Variants in XPC observed in about 807,000 individuals in gnomAD.
XPC encodes the protein XPC complex subunit, DNA damage recognition and repair factor, also known as DNA repair protein complementing XP-C cells.
XPC carries 76 observed loss-of-function variants against 95.8 expected under a neutral mutation model. The ratio of observed to expected loss-of-function variants is 0.79; its 90% CI spans 0.66 to 0.96. The LOEUF (loss-of-function observed/expected upper bound fraction) is 0.96. XPC is among the 40% of genes least tolerant of loss of function. XPC has a pLI of 0.00. For missense variants in XPC, 1,146 were observed against 1,179.8 expected (o/e 0.97, Z 0.42); for synonymous variants, 442 against 442.1 (o/e 1.00, Z 0.00).
chr3:14,148,000 T>C lies in XPC; in HGVS notation c.2422A>G (p.Thr808Ala). The C allele has an allele frequency of 6.3e-7, 1 of 1,579,516 alleles. No homozygotes were observed. Residue 808 changes from threonine to alanine, a missense_variant and splice_region_variant, in exon 14 of 16, where the codon ACT becomes GCT. Physicochemically the swap from Thr to Ala is moderately conservative, Grantham distance 58. Transcript: ENST00000285021. ...DFHGGYSHPV[T>A]DGYIVCEEFK... ...TCCTCGCAGACGATGTATCCATCAG[T>C]CCTGTGGGGACACAACGCGATGTCA...
chr3:14,146,169 T>A lies in XPC; in HGVS notation c.2605-10A>T. ...GAGCTGCTGCCTCACTCTGGACAGGTGGCAGTGGTGGGAGGACACAGGCGA... is the reference window on the plus strand; with the variant it reads ...GAGCTGCTGCCTCACTCTGGACAGGAGGCAGTGGTGGGAGGACACAGGCGA... On this transcript the variant is annotated splice_polypyrimidine_tract_variant and intron_variant, in intron 15 of 15. Transcript: ENST00000285021. The A allele has an allele frequency of 6.3e-7, 1 of 1,599,096 alleles. No homozygotes were observed. Among genetic ancestry groups the A allele is most frequent in the Non-Finnish European group, 8.5e-7 (1 of 1,174,218 alleles).
chr3:14,167,311 T>C, intron 4 of XPC, 58 bp from the exon 5 acceptor site: 2 of 1,437,368 alleles, frequency 1.4e-6, no homozygotes, highest in Non-Finnish European at 1.9e-6. Context: ...CAGACTCCAC[T>C]CCCCCAGGCA....
Position 14,158,357 on chromosome 3 carries a change from C to T in XPC, c.1526G>A (p.Arg509Lys), listed in dbSNP as rs1444714119. ...AASSSSSSSK[R>K]GKKMCSDGEK... ...ACCATCGCTGCACATTTTCTTGCCT[C>T]TTTTACTGCTTGAAGAGCTTGAGGA... is the stretch of plus-strand genomic sequence containing the variant. Residue 509 changes from arginine (R) to lysine (K), a missense_variant, in exon 9 of 16, where the codon AGA becomes AAA. Arg to Lys is a conservative substitution (Grantham distance 26). Coordinates refer to ENST00000285021, the MANE Select transcript of XPC (RefSeq NM_004628.5). This position sits in a 1 kb window ranked among gnomAD's most constrained non-coding sequence, Gnocchi z 5.2. The T allele has an allele frequency of 6.2e-7, 1 of 1,613,960 alleles. No individual in the cohort carries two copies. The highest frequency in any genetic ancestry group is 1.7e-5 in the Admixed American group (1 of 60,020).
chr3:14,169,972 T>A (rs1304409242), intron 3 of XPC, among the ~76,000 whole-genome samples: 1 of 152,244 alleles, frequency 6.6e-6, no homozygotes, highest in Admixed American at 6.5e-5. Flanking sequence ...TTTGCAAACT[T>A]TCTTTTCCCC....
chr3:14,177,179 A>T (rs998305216), intron 1 of XPC, among the ~76,000 whole-genome samples: 1 of 152,236 alleles, frequency 6.6e-6, no homozygotes, highest in Non-Finnish European at 1.5e-5. Context: ...ACAGATGAAT[A>T]TATTTCGGGA....
At chr3:14,165,708 GA>G (rs1696352652) in intron 5 of XPC, 123 bp from the exon 6 acceptor site, 4 of 1,235,710 alleles carry the variant, frequency 3.2e-6, no homozygotes, top group Non-Finnish European at 4.5e-6. Flanking sequence ...CTACATATAA[GA>G]AAGTAAAAAC....
intron 7 of XPC, among the ~76,000 whole-genome samples, chr3:14,163,943 C>G (rs2061316): frequency 1 from 152,351 of 152,352 alleles, 76,175 homozygotes; most frequent in Middle Eastern, 1. Context: ...CAGCTACTCG[C>G]GAGGCTGAGG....
At position 14,156,367 on chromosome 3, in the gene XPC, A is replaced by G; in HGVS notation, c.2001T>C (p.Leu667=). The G allele has an allele frequency of 6.2e-7, 1 of 1,613,804 alleles. No individual in the cohort carries two copies. Among genetic ancestry groups the G allele is most frequent in the African/African-American group, 1.3e-5 (1 of 75,020 alleles). Residue 667 remains leucine (L), a synonymous_variant, in exon 10 of 16, where the codon CTT becomes CTC. Coordinates refer to ENST00000285021, the MANE Select transcript of XPC (RefSeq NM_004628.5). ...AGACCGCTTCTCCACGACAATACCC[A>G]AGGATGGCAGCTGTCTCGGGATAGA... is the stretch of plus-strand genomic sequence containing the variant. ...EAIYPETAAI[L]GYCRGEAVYS...
intron 5 of XPC, chr3:14,165,847 A>G (rs1696357652): frequency 2.4e-6 from 1 of 411,290 alleles, no homozygotes; most frequent in African/African-American, 2.1e-5. Flanking sequence ...CAAAATACAA[A>G]CTGTTTTTGT....
intron 5 of XPC, 44 bp from the exon 6 acceptor site, chr3:14,165,629 G>A (rs751864174): frequency 8.1e-6 from 13 of 1,602,350 alleles, no homozygotes; most frequent in East Asian, 6.7e-5. Flanking sequence ...AAGGAAGGCC[G>A]GACACCAGGA....
chr3:14,146,870 A>C (rs1465519951), intron 15 of XPC, among the ~76,000 whole-genome samples: 1 of 152,280 alleles, frequency 6.6e-6, no homozygotes, highest in Admixed American at 6.5e-5. Context: ...CCTGTGTCCA[A>C]GCCTGGCCTG....
chr3:14,176,158 C>T (rs1273127286), intron 1 of XPC, among the ~76,000 whole-genome samples: 1 of 152,184 alleles, frequency 6.6e-6, no homozygotes, highest in Non-Finnish European at 1.5e-5. Context: ...GTGCATAAAA[C>T]TAAGAATTGA....
Position 14,146,073 on chromosome 3 carries a change from GGCCGCTTCT to G in XPC, c.2682_2690del (p.Glu895_Ala897del), listed in dbSNP as rs754656773. The G allele has an allele frequency of 6.2e-7, 1 of 1,612,462 alleles. No homozygotes were observed. The highest frequency in any genetic ancestry group is 2.2e-5 in the East Asian group (1 of 44,820). ...GAGGCCAGGAGGCAGCCAGTATCCT[GGCCGCTTCT>G]GCTTGAGAGCTGGTCCCCTCCTCTT... On this transcript the variant is annotated inframe_deletion, in exon 16 of 16. Coordinates refer to ENST00000285021, the MANE Select transcript of XPC (RefSeq NM_004628.5).
In XPC at chr3:14,145,710, T is replaced by C; in HGVS notation, c.*231A>G. ...TGAGTGGGCTTTGGTAGCAAAAAGC[T>C]TTGAAGGCTTCACCCTGGGTGAATC... is the stretch of plus-strand genomic sequence containing the variant. On this transcript the variant is annotated 3_prime_UTR_variant, in exon 16 of 16. Transcript: ENST00000285021. 2 of 703,924 alleles carry C rather than the reference T, an allele frequency of 2.8e-6. No homozygotes were observed. Among genetic ancestry groups the C allele is most frequent in the African/African-American group, 3.5e-5 (2 of 57,348 alleles). 43.6% of individuals were successfully genotyped at this position (703,924 alleles called of 1,614,324 possible).
At chr3:14,174,323 G>T (rs2125047652) in intron 1 of XPC, among the ~76,000 whole-genome samples, 1 of 152,296 alleles carries the variant, frequency 6.6e-6, no homozygotes, top group East Asian at 1.9e-4. Flanking sequence ...TAAAGCTTAA[G>T]ATTTGACAGT....
At chr3:14,175,737 T>C (rs1307967751) in intron 1 of XPC, among the ~76,000 whole-genome samples, 2 of 152,232 alleles carry the variant, frequency 1.3e-5, no homozygotes, top group African/African-American at 4.8e-5. Context: ...CACCTTCATT[T>C]GCATGTACAG....
rs2470352 is a variant in XPC at position 14,145,330 on chromosome 3, A to G, written c.*611T>C. 2.4e-3 allele frequency: 1,702 copies of G among 697,694 alleles called. 28 individuals are homozygous for G. The highest frequency in any genetic ancestry group is 0.024 in the African/African-American group (1,381 of 56,978). 43.2% of individuals were successfully genotyped at this position (697,694 alleles called of 1,614,324 possible). On this transcript the variant is annotated 3_prime_UTR_variant, in exon 16 of 16. Coordinates refer to ENST00000285021, the MANE Select transcript of XPC (RefSeq NM_004628.5). ...TTCTTTCCTGATTTTAGCTTTTTTT[A>G]GGCTTCTGTCACCACAAAATGTTAC...
At chr3:14,172,218 G>T (rs3731069) in intron 2 of XPC, among the ~76,000 whole-genome samples, 2,688 of 152,266 alleles carry the variant, frequency 0.018, 78 homozygotes, top group African/African-American at 0.059. Context: ...CATATGAAAA[G>T]GAACCCCACA....
chr3:14,164,112 CA>C (rs1212098428), intron 7 of XPC, among the ~76,000 whole-genome samples: 3 of 152,166 alleles, frequency 2.0e-5, no homozygotes, highest in African/African-American at 7.2e-5. Context: ...TCAGCCTTGC[CA>C]AATATCTTAG....
Sources: gnomAD v4.1 joint callset for allele counts (sites outside exome capture counted in the v4.1 genomes callset) on GRCh38, gnomAD v4.1.1 for gene constraint, Gnocchi (gnomAD v3.1) non-coding constraint, MANE v1.5 for transcripts, NCBI Gene and HGNC (gene_info 2026-07-23, HGNC 2026-07-21) for gene names.